ZC3H14: variants seen among roughly 807,000 people sequenced by gnomAD.
ZC3H14 encodes the protein zinc finger CCCH-type containing 14.
Under a neutral mutation model 92.4 loss-of-function variants are expected in ZC3H14, and 31 were observed. The ratio of observed to expected loss-of-function variants is 0.34; its 90% CI spans 0.25 to 0.45. ZC3H14 has a LOEUF of 0.45. Among genes scored for constraint, ZC3H14 ranks in the 20% least tolerant of loss-of-function variants. The pLI, the probability that ZC3H14 is intolerant of heterozygous loss-of-function variation, is 1.00. For synonymous variants in ZC3H14, 321 were observed against 300.9 expected, an observed-to-expected ratio of 1.07 and a Z score of -0.69; for missense variants, 781 against 897.3, an observed-to-expected ratio of 0.87 and a Z score of 1.66.
At chr14:88,581,283 G>A (rs527671555) in intron 9 of ZC3H14, among the ~76,000 whole-genome samples, 8 of 152,310 alleles carry the variant, frequency 5.3e-5, no homozygotes, top group African/African-American at 1.7e-4. Flanking sequence ...CTTGGGCTGG[G>A]TGCAGTTGCT....
chr14:88,596,645 TAAG>T, intron 9 of ZC3H14, 86 bp from the exon 10 acceptor site: 1 of 1,129,414 alleles, frequency 8.9e-7, no homozygotes, highest in African/African-American at 1.5e-5. Context: ...GACTTCAAGT[TAAG>T]AACCCAGAAG....
chr14:88,606,608 C>T lies in ZC3H14; in HGVS notation c.1748-635C>T, dbSNP rs182130536. On this transcript the variant is annotated intron_variant, in intron 12 of 16. Transcript: ENST00000251038. ...AACGTGGGGAAACCCTGTAGCCAGG[C>T]GTGGTGGCACGTGCTACTTGGTAGG... Among the ~76,000 whole-genome samples the T allele has an allele frequency of 3.0e-4, 46 of 151,982 alleles. No homozygotes were observed. The South Asian group carries it at 8.7e-3, about 29-fold the overall frequency.
At chr14:88,610,691 C>T in intron 15 of ZC3H14, 143 bp from the exon 16 acceptor site, 1 of 767,816 alleles carries the variant, frequency 1.3e-6, no homozygotes, top group Non-Finnish European at 2.2e-6. Flanking sequence ...GTAGTCCCAG[C>T]TACTCGGGAG....
At chr14:88,593,981 T>G (rs184512081) in intron 9 of ZC3H14, among the ~76,000 whole-genome samples, 17 of 152,308 alleles carry the variant, frequency 1.1e-4, no homozygotes, top group African/African-American at 3.6e-4. Flanking sequence ...GGCTGAGTTC[T>G]TATTTCCCCA....
chr14:88,568,358 G>A (rs1454847594), intron 3 of ZC3H14, among the ~76,000 whole-genome samples: 1 of 152,222 alleles, frequency 6.6e-6, no homozygotes, highest in East Asian at 1.9e-4. Context: ...AAAAGAAAGA[G>A]GTTTAATTGA....
intron 6 of ZC3H14, among the ~76,000 whole-genome samples, chr14:88,573,218 A>C (rs2080690232): frequency 6.6e-6 from 1 of 151,756 alleles, no homozygotes; most frequent in African/African-American, 2.4e-5. Flanking sequence ...GTCTCTACTA[A>C]AAATACAAAA....
Position 88,575,958 on chromosome 14 carries a change from T to G in ZC3H14, c.1123+18T>G. ...CTCTACAGGTAATTTAAATGTATTA[T>G]GTTTACACTTGGTAAGACATTTCTG... is the stretch of plus-strand genomic sequence containing the variant. On this transcript the variant is annotated intron_variant, in intron 8 of 16. Transcript: ENST00000251038. The G allele has an allele frequency of 6.4e-7, 1 of 1,558,472 alleles. No individual in the cohort carries two copies. The highest frequency in any genetic ancestry group is 8.8e-7 in the Non-Finnish European group (1 of 1,130,344).
At chr14:88,577,643 C>T (rs1252258567) in intron 8 of ZC3H14, among the ~76,000 whole-genome samples, 1 of 151,968 alleles carries the variant, frequency 6.6e-6, no homozygotes. Context: ...AATCTCGGCT[C>T]ACTGCAACCT....
intron 2 of ZC3H14, among the ~76,000 whole-genome samples, chr14:88,567,000 C>T (rs1433814182): frequency 6.6e-6 from 1 of 151,626 alleles, no homozygotes; most frequent in Non-Finnish European, 1.5e-5. Context: ...CTTTTGCTTC[C>T]TTATCTTCTT....
At chr14:88,577,607 G>T (rs1486713194) in intron 8 of ZC3H14, among the ~76,000 whole-genome samples, 1 of 150,726 alleles carries the variant, frequency 6.6e-6, no homozygotes, top group Non-Finnish European at 1.5e-5. Flanking sequence ...TCACTCTGTT[G>T]CCCAGGCTGG....
chr14:88,577,508 G>A (rs1377055280), intron 8 of ZC3H14, among the ~76,000 whole-genome samples: 3 of 151,886 alleles, frequency 2.0e-5, no homozygotes, highest in Non-Finnish European at 4.4e-5. Flanking sequence ...TCTCAGTAAC[G>A]TAAGAAAAAA....
At chr14:88,604,193 A>G (rs1163721098) in intron 12 of ZC3H14, among the ~76,000 whole-genome samples, 5 of 152,176 alleles carry the variant, frequency 3.3e-5, no homozygotes, top group African/African-American at 1.2e-4. Context: ...AGGTGTCCAT[A>G]TGAGGCTTTA....
intron 3 of ZC3H14, 87 bp downstream of exon 3, chr14:88,568,240 G>A: frequency 8.9e-7 from 1 of 1,126,926 alleles, no homozygotes; most frequent in Non-Finnish European, 1.3e-6. Context: ...CTTGACACTT[G>A]AGTTAGGTTT....
intron 10 of ZC3H14, among the ~76,000 whole-genome samples, chr14:88,601,502 A>G (rs1462877438): frequency 6.6e-6 from 1 of 152,222 alleles, no homozygotes; most frequent in Non-Finnish European, 1.5e-5. Flanking sequence ...ACATGATTCT[A>G]AGTGGTACTG....
At chr14:88,587,703 T>C (rs1210255426) in intron 9 of ZC3H14, among the ~76,000 whole-genome samples, 1 of 152,148 alleles carries the variant, frequency 6.6e-6, no homozygotes, top group East Asian at 1.9e-4. Context: ...CCCAGCACTT[T>C]AGGAGGCTGA....
rs1409729679 is a variant in ZC3H14 at position 88,567,060 on chromosome 14, T to C, written c.80-979T>C. On this transcript the variant is annotated intron_variant, in intron 2 of 16. Coordinates refer to ENST00000251038, the MANE Select transcript of ZC3H14 (RefSeq NM_024824.5). ...TTTTAAATCCTAGACCTCACTCTCA[T>C]AATCACTGTAGGATTACCACTAGGA... Among the ~76,000 whole-genome samples the C allele has an allele frequency of 3.1e-4, 47 of 151,828 alleles. 2 individuals carry two copies. Among genetic ancestry groups the C allele is most frequent in the Non-Finnish European group, 1.5e-5 (1 of 67,952 alleles).
intron 3 of ZC3H14, among the ~76,000 whole-genome samples, chr14:88,568,932 A>G (rs1286941332): frequency 6.6e-6 from 1 of 151,870 alleles, no homozygotes; most frequent in African/African-American, 2.4e-5. Context: ...ACCAGGCTGG[A>G]GCACAGTGGT....
rs549346390 is a variant in ZC3H14, at chr14:88,594,486, A to G, written c.1280-2248A>G. 6.0e-5 allele frequency: 80 copies of G among 1,343,478 alleles called. No homozygotes were observed. The South Asian group carries it at 8.4e-4, about 14-fold the overall frequency. 83.2% of individuals were successfully genotyped at this position (1,343,478 alleles called of 1,614,324 possible). On this transcript the variant is annotated intron_variant, in intron 9 of 16. Transcript: ENST00000251038. ...GGCTTCTTAGTTGTAGCGAAGAGCAATTGGTCTGGTACGTTTAGCTTTTTC... is the reference window on the plus strand; with the variant it reads ...GGCTTCTTAGTTGTAGCGAAGAGCAGTTGGTCTGGTACGTTTAGCTTTTTC...
Position 88,607,311 on chromosome 14 carries a change from G to A in ZC3H14, c.1816G>A (p.Ala606Thr). ...KLLERCKYWP[A>T]CKNGDECAYH... ...TTTGGAGCGCTGCAAGTACTGGCCT[G>A]CTTGTAAAAATGGGGATGAGTGTGC... Residue 606 changes from alanine to threonine, a missense_variant, in exon 13 of 17, where the codon GCT becomes ACT. Transcript: ENST00000251038. 6.2e-7 allele frequency: 1 copy of A among 1,613,872 alleles called. No individual in the cohort carries two copies. The highest frequency in any genetic ancestry group is 8.5e-7 in the Non-Finnish European group (1 of 1,179,908).
Sources: gnomAD v4.1 joint callset for allele counts (sites outside exome capture counted in the v4.1 genomes callset) on GRCh38, gnomAD v4.1.1 for gene constraint, MANE v1.5 for transcripts, NCBI Gene and HGNC (gene_info 2026-07-23, HGNC 2026-07-21) for gene names.